Variants in FAM174B observed in about 807,000 individuals in gnomAD.
FAM174B encodes the protein family with sequence similarity 174 member B, also known as membrane protein FAM174B.
A neutral mutation model predicts 10.9 loss-of-function variants in FAM174B; 12 were observed. The ratio of observed to expected loss-of-function variants is 1.10; its 90% CI spans 0.71 to 1.79. FAM174B has a LOEUF of 1.79. Ranked by LOEUF, FAM174B falls within the 40% of genes most tolerant of loss-of-function variation. FAM174B has a pLI of 0.00. For missense variants in FAM174B, 266 were observed against 233.3 expected (o/e 1.14, Z -0.91); for synonymous variants, 132 against 115.8 (o/e 1.14, Z -0.90).
intron 1 of FAM174B, among the ~76,000 whole-genome samples, chr15:92,652,076 A>G (rs546345103): frequency 6.6e-6 from 1 of 152,372 alleles, no homozygotes; most frequent in South Asian, 2.1e-4. Flanking sequence ...TTTGAGAGAC[A>G]TCAGCAATGT....
intron 1 of FAM174B, among the ~76,000 whole-genome samples, chr15:92,631,433 A>T (rs367736364): frequency 0.025 from 698 of 28,464 alleles, 50 homozygotes; most frequent in African/African-American, 0.052. Context: ...ATATAATATA[A>T]TATATTATAT....
chr15:92,634,124 A>C (rs143213709), intron 1 of FAM174B, among the ~76,000 whole-genome samples: 39 of 152,324 alleles, frequency 2.6e-4, no homozygotes, highest in African/African-American at 9.1e-4. Context: ...ACACACAGCT[A>C]AACAAGCATC....
chr15:92,617,878 G>A lies in FAM174B; in HGVS notation c.*1578C>T. On this transcript the variant is annotated 3_prime_UTR_variant, in exon 3 of 3. Coordinates refer to ENST00000327355, the MANE Select transcript of FAM174B (RefSeq NM_207446.3). Reference sequence around the variant, plus strand: ...AGAGACTACACGCAGGCCCCCCGTGGCTGGCAATACCATGCGTGCTGGGCC... The same window carrying A: ...AGAGACTACACGCAGGCCCCCCGTGACTGGCAATACCATGCGTGCTGGGCC... 1 of 458,860 alleles carries A rather than the reference G, an allele frequency of 2.2e-6. No homozygotes were observed. The highest frequency in any genetic ancestry group is 3.8e-6 in the Non-Finnish European group (1 of 262,014). 28.4% of individuals were successfully genotyped at this position (458,860 alleles called of 1,614,324 possible). A position where few individuals can be genotyped will look rare whatever the true frequency, so the allele number is the denominator to read the frequency against.
At chr15:92,646,792 C>G (rs1235549703) in intron 1 of FAM174B, among the ~76,000 whole-genome samples, 1 of 152,250 alleles carries the variant, frequency 6.6e-6, no homozygotes. Flanking sequence ...TTTCAACCAA[C>G]TGCCAATCAG....
At chr15:92,643,614 G>C (rs1454730926) in intron 1 of FAM174B, among the ~76,000 whole-genome samples, 1 of 151,996 alleles carries the variant, frequency 6.6e-6, no homozygotes, top group African/African-American at 2.4e-5. Flanking sequence ...TTTTGAAATG[G>C]AGTAAGTCTG....
chr15:92,643,025 A>G (rs1472420062), intron 1 of FAM174B, among the ~76,000 whole-genome samples: 1 of 152,218 alleles, frequency 6.6e-6, no homozygotes, highest in African/African-American at 2.4e-5. Context: ...ATTAACTACT[A>G]TGGATTCATG....
chr15:92,620,674 G>A (rs1246372809), intron 2 of FAM174B, among the ~76,000 whole-genome samples: 1 of 151,880 alleles, frequency 6.6e-6, no homozygotes, highest in African/African-American at 2.4e-5. Context: ...AATTAGCCAG[G>A]TGTGGTGCTG....
chr15:92,622,522 A>G (rs2050726539), intron 2 of FAM174B, among the ~76,000 whole-genome samples: 1 of 152,230 alleles, frequency 6.6e-6, no homozygotes, highest in African/African-American at 2.4e-5. Context: ...GGCTGGCTGT[A>G]AAGTCCTGGC....
chr15:92,653,055 G>C (rs1424950564), intron 1 of FAM174B: 1 of 152,220 alleles, frequency 6.6e-6, no homozygotes, highest in East Asian at 1.9e-4. Flanking sequence ...TGCACCATCA[G>C]GGCCCTTGCA....
At chr15:92,626,826 G>A (rs1448774484) in intron 2 of FAM174B, among the ~76,000 whole-genome samples, 1 of 152,058 alleles carries the variant, frequency 6.6e-6, no homozygotes, top group Non-Finnish European at 1.5e-5. Context: ...GCCGAGGCGG[G>A]TGGATCACGA....
At position 92,655,651 on chromosome 15, in the gene FAM174B, G is replaced by T. The variant is rs1161868145; in HGVS notation, c.9C>A (p.Ala3=). 14 of 1,255,428 alleles carry T rather than the reference G, an allele frequency of 1.1e-5. No individual in the cohort carries two copies. In the Admixed American group the frequency reaches 4.8e-4, roughly 43 times the overall value. The allele number at this position is 1,255,428 out of a possible 1,614,324, so 77.8% of individuals were successfully genotyped here. A position where few individuals can be genotyped will look rare whatever the true frequency, so the allele number is the denominator to read the frequency against. The part of the protein sequence containing the change: MR[A]VPLPAPLLPL... ...GCAGGAGCGGGGCGGGCAGCGGCAC[G>T]GCGCGCATAGTGCGGTGGGTCGGCA... Residue 3 remains alanine (A), a synonymous_variant, in exon 1 of 3, where the codon GCC becomes GCA. Coordinates refer to ENST00000327355, the MANE Select transcript of FAM174B (RefSeq NM_207446.3).
rs372979557 is a variant in FAM174B, at chr15:92,630,296, G to C, written c.394C>G (p.Pro132Ala). The stretch of plus-strand genomic sequence containing the variant: ...GGCGCCATTTCCACTCGCTCTGCTG[G>C]AGTGGTGATGATATCATACTTGCGT... The part of the protein sequence containing the change: ...KTRKYDIITT[P>A]AERVEMAPLN... The change falls in exon 2 of 3, where the codon CCA becomes GCA. Residue 132 changes from proline to alanine, a missense_variant. Pro to Ala is a conservative substitution (Grantham distance 27). Transcript: ENST00000327355. 33 of 1,613,594 alleles carry C rather than the reference G, an allele frequency of 2.0e-5. No homozygotes were observed. The highest frequency in any genetic ancestry group is 2.8e-5 in the Non-Finnish European group (33 of 1,179,760).
intron 1 of FAM174B, among the ~76,000 whole-genome samples, chr15:92,635,598 T>C (rs2050850690): frequency 7.0e-6 from 1 of 142,928 alleles, no homozygotes; most frequent in Admixed American, 7.0e-5. Context: ...TTTTTTTTTT[T>C]GAGACAGAGT....
intron 2 of FAM174B, among the ~76,000 whole-genome samples, chr15:92,629,189 T>G (rs951878859): frequency 6.6e-6 from 1 of 152,252 alleles, no homozygotes; most frequent in Admixed American, 6.5e-5. Flanking sequence ...CCTGCATTTC[T>G]GTTCCACTTT....
intron 2 of FAM174B, among the ~76,000 whole-genome samples, chr15:92,628,754 A>G (rs1027783126): frequency 2.0e-5 from 3 of 152,214 alleles, no homozygotes; most frequent in Admixed American, 1.3e-4. Context: ...ACCAATATGT[A>G]TGTAAACATG....
At chr15:92,649,490 T>G (rs551510571) in intron 1 of FAM174B, among the ~76,000 whole-genome samples, 11 of 152,354 alleles carry the variant, frequency 7.2e-5, no homozygotes, top group South Asian at 2.1e-4. Flanking sequence ...AAATTACATC[T>G]GTTTTCAGAA....
At chr15:92,645,021 C>G (rs1005302090) in intron 1 of FAM174B, among the ~76,000 whole-genome samples, 1 of 152,198 alleles carries the variant, frequency 6.6e-6, no homozygotes, top group Non-Finnish European at 1.5e-5. Context: ...TTTTTCAGCC[C>G]CAGGCCATCA....
intron 1 of FAM174B, chr15:92,634,810 T>A (rs2064838013): frequency 1.3e-5 from 2 of 152,194 alleles, no homozygotes; most frequent in African/African-American, 4.8e-5. Flanking sequence ...CTCCCTAATG[T>A]GGGTGGGCCC....
At chr15:92,631,336 AT>A (rs2050809442) in intron 1 of FAM174B, among the ~76,000 whole-genome samples, 1 of 2,488 alleles carries the variant, frequency 4.0e-4, no homozygotes, top group African/African-American at 7.2e-4. Flanking sequence ...ATAATATATT[AT>A]ATATTATATA....
Sources: allele counts gnomAD v4.1 joint callset (sites outside exome capture counted in the v4.1 genomes callset), GRCh38; gene constraint gnomAD v4.1.1; transcripts MANE v1.5; gene names NCBI Gene and HGNC (gene_info 2026-07-23, HGNC 2026-07-21).